Variants in PIK3C2G observed in about 807,000 individuals in gnomAD.
The protein encoded by PIK3C2G is phosphatidylinositol-4-phosphate 3-kinase catalytic subunit type 2 gamma, also known as phosphatidylinositol 3-kinase C2 domain-containing subunit gamma.
Under a neutral mutation model 181.1 loss-of-function variants are expected in PIK3C2G, and 168 were observed. The observed-to-expected ratio is 0.93, with a 90% CI of 0.82 to 1.05. The LOEUF (loss-of-function observed/expected upper bound fraction) is 1.05. PIK3C2G is among the 50% of genes least tolerant of loss of function. The pLI is 0.00. For missense variants in PIK3C2G, 1,869 were observed against 1,732.8 expected (o/e 1.08, Z -1.40); for synonymous variants, 573 against 592.2 (o/e 0.97, Z 0.47).
chr12:18,393,814 A>G (rs973477575), intron 15 of PIK3C2G, among the ~76,000 whole-genome samples: 1 of 152,118 alleles, frequency 6.6e-6, no homozygotes, highest in Non-Finnish European at 1.5e-5. Flanking sequence ...GTCCTCCCAC[A>G]TGACTTGCGA....
chr12:18,393,807 C>T (rs553524879), intron 15 of PIK3C2G, among the ~76,000 whole-genome samples: 1 of 152,190 alleles, frequency 6.6e-6, no homozygotes, highest in Admixed American at 6.5e-5. Context: ...TACCTGGGTC[C>T]TCCCACATGA....
At chr12:18,631,075 A>C (rs567503662) in intron 31 of PIK3C2G, among the ~76,000 whole-genome samples, 1 of 152,322 alleles carries the variant, frequency 6.6e-6, no homozygotes, top group African/African-American at 2.4e-5. Flanking sequence ...TAATTAAATC[A>C]TAAGGGCAAA....
At chr12:18,483,530 C>G (rs577658310) in intron 18 of PIK3C2G, among the ~76,000 whole-genome samples, 1 of 151,504 alleles carries the variant, frequency 6.6e-6, no homozygotes, top group African/African-American at 2.4e-5. Context: ...TTATGATCCA[C>G]GAAAAAAGAC....
intron 3 of PIK3C2G, among the ~76,000 whole-genome samples, chr12:18,287,238 G>A (rs1021936693): frequency 1.4e-4 from 21 of 151,556 alleles, no homozygotes; most frequent in African/African-American, 5.1e-4. Flanking sequence ...GTTTAATGAC[G>A]TAAGTGACTA....
At chr12:18,302,168 G>A (rs1424474729) in intron 5 of PIK3C2G, among the ~76,000 whole-genome samples, 4 of 152,182 alleles carry the variant, frequency 2.6e-5, no homozygotes, top group Non-Finnish European at 5.9e-5. Flanking sequence ...GCAGGCTCAG[G>A]TGAACTGATG....
At chr12:18,676,159 G>C in the PIK3C2G span, among the ~76,000 whole-genome samples, 1 of 152,028 alleles carries the variant, frequency 6.6e-6, no homozygotes, top group African/African-American at 2.4e-5. Context: ...CTAGAAAATG[G>C]ACCCAAAACT....
chr12:18,668,733 T>C, the PIK3C2G span, among the ~76,000 whole-genome samples: 4 of 152,150 alleles, frequency 2.6e-5, no homozygotes, highest in Non-Finnish European at 4.4e-5. Flanking sequence ...TGGGTAGAAG[T>C]GCTCACACCC....
chr12:18,562,635 A>G (rs2136334370), intron 26 of PIK3C2G, 68 bp from the exon 27 acceptor site: 1 of 942,086 alleles, frequency 1.1e-6, no homozygotes, highest in Admixed American at 2.3e-5. Context: ...ACAAGGAAAC[A>G]GATCATAAAT....
chr12:18,688,339 T>A, the PIK3C2G span: 2 of 1,009,042 alleles, frequency 2.0e-6, no homozygotes, highest in Admixed American at 4.9e-5. Context: ...CCCACAAACA[T>A]TGAAAGTGGA....
chr12:18,460,400 C>T (rs899480107), intron 18 of PIK3C2G, among the ~76,000 whole-genome samples: 11 of 151,508 alleles, frequency 7.3e-5, no homozygotes, highest in African/African-American at 9.7e-5. Flanking sequence ...GGTGAAACAC[C>T]GGCTCTACTA....
intron 30 of PIK3C2G, among the ~76,000 whole-genome samples, chr12:18,596,994 C>T (rs1947401933): frequency 6.6e-6 from 1 of 151,648 alleles, no homozygotes; most frequent in Admixed American, 6.6e-5. Context: ...GTTGTATGAC[C>T]TCATGTTTTT....
intron 24 of PIK3C2G, among the ~76,000 whole-genome samples, chr12:18,508,866 A>G (rs2136132552): frequency 6.6e-6 from 1 of 152,208 alleles, no homozygotes; most frequent in South Asian, 2.1e-4. Flanking sequence ...TCCAATACCA[A>G]ACAACAATAA....
the PIK3C2G span, chr12:18,712,924 G>T: frequency 6.2e-7 from 1 of 1,613,916 alleles, no homozygotes; most frequent in Non-Finnish European, 8.5e-7. Context: ...ATATACAACA[G>T]GTTCATTTTG....
intron 30 of PIK3C2G, among the ~76,000 whole-genome samples, chr12:18,608,695 C>T (rs527448734): frequency 4.6e-5 from 7 of 151,766 alleles, no homozygotes; most frequent in Admixed American, 4.6e-4. Flanking sequence ...TACCCTAAAA[C>T]TTAAAGTATA....
intron 1 of PIK3C2G, among the ~76,000 whole-genome samples, chr12:18,270,251 G>A (rs879898599): frequency 1.2e-4 from 18 of 152,144 alleles, no homozygotes; most frequent in Admixed American, 1.2e-3. Flanking sequence ...CACTATGGAA[G>A]GCAGTTATTA....
At chr12:18,428,623 G>T (rs1314946538) in intron 18 of PIK3C2G, among the ~76,000 whole-genome samples, 1 of 152,174 alleles carries the variant, frequency 6.6e-6, no homozygotes, top group African/African-American at 2.4e-5. Context: ...GAATAAGTAA[G>T]ATTGGAATGA....
Position 18,282,701 on chromosome 12 carries a change from T to C in PIK3C2G, c.620T>C (p.Leu207Pro), listed in dbSNP as rs777843470. 6.2e-7 allele frequency: 1 copy of C among 1,613,062 alleles called. No homozygotes were observed. Among genetic ancestry groups the C allele is most frequent in the Non-Finnish European group, 8.5e-7 (1 of 1,179,534 alleles). ...HVNIVEPSLM[L>P]LKGSLQPGMW... ...AACATTGTGGAACCATCTTTGATGC[T>C]TTTGAAAGGCTCTCTTCAACCCGGA... The change falls in exon 2 of 33, where the codon CTT becomes CCT. Residue 207 changes from leucine to proline, a missense_variant. By Grantham distance (98) the Leu-to-Pro change is moderately conservative. Coordinates refer to ENST00000538779, the MANE Select transcript of PIK3C2G (RefSeq NM_001288772.2).
rs548799242 is a variant in PIK3C2G at position 18,497,506 on chromosome 12, C to G, written c.2887-113C>G. 59 of 737,906 alleles carry G rather than the reference C, an allele frequency of 8.0e-5. No homozygotes were observed. The Middle Eastern group carries it at 1.3e-3, about 17-fold the overall frequency. 45.7% of individuals were successfully genotyped at this position (737,906 alleles called of 1,614,324 possible). On this transcript the variant is annotated intron_variant, in intron 21 of 32. Coordinates refer to ENST00000538779, the MANE Select transcript of PIK3C2G (RefSeq NM_001288772.2). ...TGCTAACAAAACCATTAAAACCACT[C>G]TAAGTCAGGCTAGAAATGTATCCAA...
chr12:18,320,890 T>C, intron 6 of PIK3C2G, 72 bp from the exon 7 acceptor site: 1 of 780,950 alleles, frequency 1.3e-6, no homozygotes, highest in South Asian at 1.6e-5. Context: ...CAGCAGGAAG[T>C]TACGGACCTA....
Sources: gnomAD v4.1 joint callset for allele counts (sites outside exome capture counted in the v4.1 genomes callset) on GRCh38, gnomAD v4.1.1 for gene constraint, MANE v1.5 for transcripts, NCBI Gene and HGNC (gene_info 2026-07-23, HGNC 2026-07-21) for gene names.